The following MYO1F variants were observed in gnomAD, a reference collection of about 807,000 sequenced individuals.
MYO1F encodes the protein myosin IF.
Under a neutral mutation model 146.6 loss-of-function variants are expected in MYO1F, and 60 were observed. The observed-to-expected ratio is 0.41, with a 90% confidence interval of 0.33 to 0.51. MYO1F has a LOEUF of 0.51. Among genes scored for constraint, MYO1F ranks in the 20% least tolerant of loss-of-function variants. The pLI, the probability that MYO1F is intolerant of heterozygous loss-of-function variation, is 0.25. For synonymous variants in MYO1F, 602 were observed against 602.1 expected, an observed-to-expected ratio of 1.00 and a Z score of 0.00; for missense variants, 1,274 against 1,534.3, an observed-to-expected ratio of 0.83 and a Z score of 2.83.
chr19:8,543,891 G>A (rs527824284), intron 14 of MYO1F, among the ~76,000 whole-genome samples: 4 of 89,882 alleles, frequency 4.5e-5, no homozygotes, highest in Non-Finnish European at 6.6e-5. Flanking sequence ...GGTGGTGGTG[G>A]TGGTGCTGGT....
intron 1 of MYO1F, among the ~76,000 whole-genome samples, chr19:8,574,581 C>CTTTCTTTCTTTCTT (rs2042178855): frequency 1.7e-4 from 17 of 97,312 alleles, no homozygotes; most frequent in East Asian, 7.8e-4. Flanking sequence ...CTTTCTTTCT[C>CTTTCTTTCTTTCTT]TCTCTCTCTC....
At chr19:8,550,080 G>A (rs756248508) in intron 10 of MYO1F, 80 bp downstream of exon 10, 21 of 1,507,920 alleles carry the variant, frequency 1.4e-5, no homozygotes, top group Non-Finnish European at 1.9e-5. Flanking sequence ...GATTGCAGCC[G>A]TGAGCCACTG....
intron 1 of MYO1F, among the ~76,000 whole-genome samples, chr19:8,561,971 T>A (rs1974153345): frequency 6.6e-6 from 1 of 151,898 alleles, no homozygotes; most frequent in African/African-American, 2.4e-5. Context: ...CATGTCGGCC[T>A]CCCAAAGTGC....
intron 1 of MYO1F, among the ~76,000 whole-genome samples, chr19:8,561,745 C>G (rs1323971704): frequency 6.8e-6 from 1 of 146,998 alleles, no homozygotes; most frequent in East Asian, 2.0e-4. Context: ...GAGATGGAGT[C>G]TCGCTCTGTT....
At chr19:8,545,308 C>T (rs373105274) in intron 13 of MYO1F, 5 of 333,734 alleles carry the variant, frequency 1.5e-5, no homozygotes, top group East Asian at 1.5e-4. Flanking sequence ...AGGCTGGTCT[C>T]GAACTCCTGA....
intron 15 of MYO1F, among the ~76,000 whole-genome samples, chr19:8,541,127 G>A (rs1372667294): frequency 1.3e-5 from 2 of 151,992 alleles, no homozygotes; most frequent in Non-Finnish European, 2.9e-5. Context: ...GGGACTATAG[G>A]CATGTGCCAC....
intron 10 of MYO1F, among the ~76,000 whole-genome samples, chr19:8,548,598 T>C (rs140565033): frequency 0.023 from 3,309 of 143,634 alleles, 111 homozygotes; most frequent in African/African-American, 0.08. Flanking sequence ...TTTTCTTTTT[T>C]TTTTTTTCTT....
Position 8,550,697 on chromosome 19 carries a change from G to T in MYO1F, c.772-3C>A. 4 of 1,614,034 alleles carry T rather than the reference G, an allele frequency of 2.5e-6. No individual in the cohort carries two copies. The highest frequency in any genetic ancestry group is 2.5e-6 in the Non-Finnish European group (3 of 1,180,006). On this transcript the variant is annotated splice_region_variant and splice_polypyrimidine_tract_variant and intron_variant, in intron 8 of 27. Transcript: ENST00000644032. ...ATCCCAATAACCTGCATAGCACTCT[G>T]TGGTACAACGGGGGCAGAAACTGTG...
At chr19:8,567,025 C>T (rs571859177) in intron 1 of MYO1F, among the ~76,000 whole-genome samples, 46 of 150,978 alleles carry the variant, frequency 3.0e-4, no homozygotes, top group Middle Eastern at 3.5e-3. Context: ...TTTCAACACA[C>T]GCTGGCTGAG....
Position 8,552,240 on chromosome 19 carries a change from T to C in MYO1F, c.505-76A>G, listed in dbSNP as rs1973644133. 4.0e-6 allele frequency: 6 copies of C among 1,494,634 alleles called. 1 individual carries two copies. In the South Asian group the frequency reaches 5.7e-5, roughly 14 times the overall value. 92.6% of individuals were successfully genotyped at this position (1,494,634 alleles called of 1,614,324 possible). ...GGGGAAGGGTTGGGGATGGGTCTTA[T>C]GAGCCTTGCCTCTCTTCCCTTCTTC... On this transcript the variant is annotated intron_variant, in intron 6 of 27. Transcript: ENST00000644032.
In MYO1F at chr19:8,537,013, G is replaced by C. The variant is rs768922091; in HGVS notation, c.1735C>G (p.Pro579Ala). The change falls in exon 17 of 28, where the codon CCC (proline) becomes GCC (alanine). Residue 579 changes from proline (P) to alanine (A), a missense_variant. Around this residue, in one of 2 missense-constraint regions of MYO1F, gnomAD observed 900 missense variants for 1,155.1 expected, o/e 0.78. Coordinates refer to ENST00000644032, the MANE Select transcript of MYO1F (RefSeq NM_012335.4). ...GGTTTGATGCAGCGGATGTAGTGGG[G>C]TGTGCACCTCATCAGTGTGGCCACC... is the stretch of plus-strand genomic sequence containing the variant. The part of the protein sequence containing the change: ...DLVATLMRCT[P>A]HYIRCIKPNE... 2 of 1,613,422 alleles carry C rather than the reference G, an allele frequency of 1.2e-6. No individual in the cohort carries two copies. Among genetic ancestry groups the C allele is most frequent in the Non-Finnish European group, 1.7e-6 (2 of 1,179,836 alleles).
rs750974944 is a variant in MYO1F, at chr19:8,530,205, G to A, written c.2319C>T (p.Arg773=). The A allele has an allele frequency of 3.5e-5, 56 of 1,613,930 alleles. No homozygotes were observed. The highest frequency in any genetic ancestry group is 1.6e-4 in the Middle Eastern group (1 of 6,084). ...DFADSVTKYD[R]RFKPIKRDLI... ...CCCACTAGTGCCTCACCTTGAAGCGGCGGTCGTACTTGGTGACCGAATCGG... is the reference window on the plus strand; with the variant it reads ...CCCACTAGTGCCTCACCTTGAAGCGACGGTCGTACTTGGTGACCGAATCGG... The change falls in exon 21 of 28, where the codon CGC becomes CGT. Residue 773 remains arginine, a synonymous_variant. Coordinates refer to ENST00000644032, the MANE Select transcript of MYO1F (RefSeq NM_012335.4). This position sits in a 1 kb window ranked among gnomAD's most constrained non-coding sequence, Gnocchi z 5.8.
At chr19:8,550,022 A>G (rs1324324689) in intron 10 of MYO1F, 138 bp downstream of exon 10, 2 of 988,100 alleles carry the variant, frequency 2.0e-6, no homozygotes, top group Non-Finnish European at 3.1e-6. Flanking sequence ...CTGGTCTTGA[A>G]CTTCTGGCCT....
At chr19:8,537,550 T>C (rs1972781898) in intron 16 of MYO1F, among the ~76,000 whole-genome samples, 3 of 152,172 alleles carry the variant, frequency 2.0e-5, no homozygotes, top group African/African-American at 7.2e-5. Context: ...CAAGAGATCC[T>C]TCTGCCTCAG....
intron 4 of MYO1F, among the ~76,000 whole-genome samples, 173 bp downstream of exon 4, chr19:8,554,304 A>G (rs1056193542): frequency 1.3e-5 from 2 of 152,152 alleles, no homozygotes; most frequent in African/African-American, 4.8e-5. Flanking sequence ...GAATGAATCA[A>G]TAAAATACAT....
At chr19:8,558,959 A>G (rs1489478739) in intron 1 of MYO1F, among the ~76,000 whole-genome samples, 1 of 151,732 alleles carries the variant, frequency 6.6e-6, no homozygotes, top group East Asian at 2.0e-4. Flanking sequence ...GCTCACTGCT[A>G]CCTCTGCCTG....
At position 8,525,568 on chromosome 19, in the gene MYO1F, A is replaced by G; in HGVS notation, c.2771-6T>C. The G allele has an allele frequency of 6.2e-7, 1 of 1,612,300 alleles. No homozygotes were observed. Among genetic ancestry groups the G allele is most frequent in the East Asian group, 2.2e-5 (1 of 44,862 alleles). On this transcript the variant is annotated splice_polypyrimidine_tract_variant and splice_region_variant and intron_variant, in intron 24 of 27. Coordinates refer to ENST00000644032, the MANE Select transcript of MYO1F (RefSeq NM_012335.4). ...CATTCCCTTCCGCGTAGGCTCTGAA[A>G]GAAGAGTGTCAGGGAGTTGAATGAC...
At chr19:8,562,173 T>TTTTTTTA (rs1974169006) in intron 1 of MYO1F, among the ~76,000 whole-genome samples, 1 of 151,960 alleles carries the variant, frequency 6.6e-6, no homozygotes, top group African/African-American at 2.4e-5. Context: ...CTTTTTTTTT[T>TTTTTTTA]TGTATTTTTA....
intron 1 of MYO1F, among the ~76,000 whole-genome samples, chr19:8,568,131 A>G (rs957040610): frequency 6.6e-6 from 1 of 152,052 alleles, no homozygotes; most frequent in African/African-American, 2.4e-5. Context: ...CACCTGTAAA[A>G]TCACAGGCTG....
Sources: gnomAD v4.1 joint callset for allele counts (sites outside exome capture counted in the v4.1 genomes callset) on GRCh38, gnomAD v4.1.1 for gene constraint, gnomAD v4.1.1 regional missense constraint, Gnocchi (gnomAD v3.1) non-coding constraint, MANE v1.5 for transcripts, NCBI Gene and HGNC (gene_info 2026-07-23, HGNC 2026-07-21) for gene names.